Variants in SPEN observed in about 807,000 individuals in gnomAD.
The protein encoded by SPEN is spen family transcriptional repressor.
SPEN carries 18 observed loss-of-function variants against 269.9 expected under a neutral mutation model. That is an observed-to-expected ratio of 0.07 (90% CI 0.05 to 0.10). The LOEUF is 0.10. SPEN is among the 10% of genes least tolerant of loss of function. SPEN has a pLI of 1.00. For synonymous variants in SPEN, 1,726 were observed against 1,765.7 expected (o/e 0.98, Z 0.56); for missense variants, 3,822 against 4,631.2 (o/e 0.83, Z 5.07).
In SPEN at chr1:15,937,815, T is replaced by C. The variant is rs1275444021; in HGVS notation, c.10513T>C (p.Tyr3505His). 1 of 1,613,970 alleles carries C rather than the reference T, an allele frequency of 6.2e-7. No individual in the cohort carries two copies. The highest frequency in any genetic ancestry group is 8.5e-7 in the Non-Finnish European group (1 of 1,179,988). Reference sequence around the variant, plus strand: ...CTGTTTGTTTCCCTGTGAGCAGAAGTACCCCATCGTGTGGCAGGGCCTGCT... The same window carrying C: ...CTGTTTGTTTCCCTGTGAGCAGAAGCACCCCATCGTGTGGCAGGGCCTGCT... ...PVDMVQLLKK[Y>H]PIVWQGLLAL... is the part of the protein sequence containing the mutation. Residue 3505 changes from tyrosine to histidine, a missense_variant, in exon 13 of 15, where the codon TAC becomes CAC. Tyr to His is a moderately conservative substitution (Grantham distance 83). Around this residue, in one of 16 missense-constraint regions of SPEN, gnomAD observed 103 missense variants for 215.8 expected, o/e 0.48. Coordinates refer to ENST00000375759, the MANE Select transcript of SPEN (RefSeq NM_015001.3). The surrounding 1 kb of genome is among the most constrained non-coding windows in gnomAD (Gnocchi z 5.7).
At position 15,929,202 on chromosome 1, in the gene SPEN, T is replaced by A. The variant is rs1285706200; in HGVS notation, c.2962T>A (p.Phe988Ile). ...GAAGCTGGAAGCCAGGAAAAGGCGCTTTGCAGATTCCAATTTAAAAGCAGA... is the reference window on the plus strand; with the variant it reads ...GAAGCTGGAAGCCAGGAAAAGGCGCATTGCAGATTCCAATTTAAAAGCAGA... Reference protein sequence around the residue: ...LEKLEARKRRFADSNLKAEKQ... With the variant: ...LEKLEARKRRIADSNLKAEKQ... Residue 988 changes from phenylalanine to isoleucine, a missense_variant, in exon 11 of 15, where the codon TTT becomes ATT. Physicochemically the swap from Phe to Ile is conservative, Grantham distance 21 (BLOSUM62 0). This residue lies in a region of SPEN where 572 missense variants were observed against 582.6 expected (regional missense o/e 0.98). Coordinates refer to ENST00000375759, the MANE Select transcript of SPEN (RefSeq NM_015001.3). This position sits in a 1 kb window ranked among gnomAD's most constrained non-coding sequence, Gnocchi z 5.8. 6.2e-7 allele frequency: 1 copy of A among 1,613,992 alleles called. No homozygotes were observed.
At chr1:15,903,096 A>G (rs2148725029) in intron 3 of SPEN, among the ~76,000 whole-genome samples, 1 of 152,338 alleles carries the variant, frequency 6.6e-6, no homozygotes, top group African/African-American at 2.4e-5. Context: ...TATAAATAGC[A>G]TACTCAGTGC....
chr1:15,882,111 G>C (rs2070691612), intron 3 of SPEN, among the ~76,000 whole-genome samples: 1 of 152,132 alleles, frequency 6.6e-6, no homozygotes, highest in Admixed American at 6.6e-5. Context: ...CACATCTATT[G>C]TTTCTGCAAA....
intron 1 of SPEN, among the ~76,000 whole-genome samples, chr1:15,856,009 T>C (rs1277275976): frequency 1.3e-5 from 2 of 148,496 alleles, no homozygotes; most frequent in Non-Finnish European, 3.0e-5. Flanking sequence ...TTTTTTTTTT[T>C]TGAGACGGAG....
At chr1:15,925,405 C>T (rs10927873) in intron 10 of SPEN, among the ~76,000 whole-genome samples, 9,455 of 152,158 alleles carry the variant, frequency 0.062, 349 homozygotes, top group South Asian at 0.15. Flanking sequence ...GGTCCAAGTG[C>T]CAGTTGTGTT....
At position 15,933,355 on chromosome 1, in the gene SPEN, G is replaced by C; in HGVS notation, c.7115G>C (p.Gly2372Ala). Reference sequence around the variant, plus strand: ...GGTGAGAGTCCTGCTGCAAATGAGGGGACAACAGTACAGCACCCCGAAGCC... The same window carrying C: ...GGTGAGAGTCCTGCTGCAAATGAGGCGACAACAGTACAGCACCCCGAAGCC... ...AQGESPAANEGTTVQHPEAPQ... is the reference protein window; with the variant it reads ...AQGESPAANEATTVQHPEAPQ... The change falls in exon 11 of 15, where the codon GGG becomes GCG. Residue 2372 changes from glycine to alanine, a missense_variant. Gly to Ala is a moderately conservative substitution (Grantham distance 60). This residue lies in a region of SPEN where 727 missense variants were observed against 737.9 expected (regional missense o/e 0.99). Coordinates refer to ENST00000375759, the MANE Select transcript of SPEN (RefSeq NM_015001.3). This position sits in a 1 kb window ranked among gnomAD's most constrained non-coding sequence, Gnocchi z 5.7. 1 of 1,614,046 alleles carries C rather than the reference G, an allele frequency of 6.2e-7. No individual in the cohort carries two copies. Among genetic ancestry groups the C allele is most frequent in the Non-Finnish European group, 8.5e-7 (1 of 1,180,016 alleles).
chr1:15,906,272 T>C (rs954487528), intron 3 of SPEN, among the ~76,000 whole-genome samples: 1 of 152,118 alleles, frequency 6.6e-6, no homozygotes, highest in African/African-American at 2.4e-5. Flanking sequence ...TTTCTTCTTA[T>C]AGATGGGAAA....
At chr1:15,876,725 A>G (rs2148712291) in intron 3 of SPEN, 47 bp downstream of exon 3, 1 of 1,345,166 alleles carries the variant, frequency 7.4e-7, no homozygotes, top group East Asian at 2.3e-5. Context: ...GCTTTAAACA[A>G]ATTCTCAACA....
chr1:15,851,191 G>A (rs2070332056), intron 1 of SPEN, among the ~76,000 whole-genome samples: 1 of 152,004 alleles, frequency 6.6e-6, no homozygotes, highest in Non-Finnish European at 1.5e-5. Context: ...TAGATTGAGG[G>A]GTGGATGGCG....
chr1:15,877,917 G>A (rs898806515), intron 3 of SPEN, among the ~76,000 whole-genome samples: 16 of 151,304 alleles, frequency 1.1e-4, no homozygotes, highest in African/African-American at 2.4e-4. Flanking sequence ...GCCAATTTTT[G>A]TATTTTTAGT....
intron 1 of SPEN, among the ~76,000 whole-genome samples, chr1:15,860,172 A>G (rs978093640): frequency 1.3e-5 from 2 of 151,830 alleles, no homozygotes; most frequent in African/African-American, 4.8e-5. Context: ...CGGCCTCCCA[A>G]AGTGCTGGGA....
At chr1:15,869,266 A>G (rs1306658420) in intron 1 of SPEN, among the ~76,000 whole-genome samples, 3 of 152,104 alleles carry the variant, frequency 2.0e-5, no homozygotes, top group Non-Finnish European at 4.4e-5. Context: ...CATGTTGGCC[A>G]GGATGGTCTC....
chr1:15,919,117 T>C (rs908816051), intron 7 of SPEN, 66 bp downstream of exon 7: 20 of 1,422,234 alleles, frequency 1.4e-5, no homozygotes, highest in Non-Finnish European at 1.8e-5. Context: ...CTTGAAGGGT[T>C]TTTTTTTTGC....
Position 15,932,356 on chromosome 1 carries a change from G to A in SPEN, c.6116G>A (p.Ser2039Asn). Reference protein sequence around the residue: ...EPKAAEEEAGSEQKRDRKDAG... With the variant: ...EPKAAEEEAGNEQKRDRKDAG... ...AAGGCTGCTGAGGAGGAGGCAGGGA[G>A]TGAACAGAAACGTGACAGAAAAGAT... is the stretch of plus-strand genomic sequence containing the variant. The change falls in exon 11 of 15, where the codon AGT becomes AAT. Residue 2039 changes from serine (S) to asparagine (N), a missense_variant. Physicochemically the swap from Ser to Asn is conservative, Grantham distance 46 (BLOSUM62 1). This residue lies in a region of SPEN where 727 missense variants were observed against 737.9 expected (regional missense o/e 0.99). Transcript: ENST00000375759. The surrounding 1 kb of genome is among the most constrained non-coding windows in gnomAD (Gnocchi z 4.2). The A allele has an allele frequency of 6.2e-7, 1 of 1,614,124 alleles. No individual in the cohort carries two copies. The highest frequency in any genetic ancestry group is 8.5e-7 in the Non-Finnish European group (1 of 1,180,030).
At chr1:15,876,842 C>A (rs1271012048) in intron 3 of SPEN, 164 bp downstream of exon 3, 2 of 631,292 alleles carry the variant, frequency 3.2e-6, no homozygotes, top group Non-Finnish European at 2.8e-6. Context: ...ATTAACTGTT[C>A]TAAGTACTCG....
chr1:15,899,181 G>GT (rs999102813), intron 3 of SPEN, among the ~76,000 whole-genome samples: 12 of 151,962 alleles, frequency 7.9e-5, no homozygotes, highest in Non-Finnish European at 1.3e-4. Context: ...TTGTTTGCTT[G>GT]TTTTTTTGAG....
Position 15,848,146 on chromosome 1 carries a change from A to G in SPEN, c.79A>G (p.Lys27Glu). Residue 27 changes from lysine (K) to glutamate (E), a missense_variant, in exon 1 of 15, where the codon AAA becomes GAA. Lys to Glu is a moderately conservative substitution (Grantham distance 56). This residue lies in a region of SPEN where 51 missense variants were observed against 56.1 expected (regional missense o/e 0.91). Coordinates refer to ENST00000375759, the MANE Select transcript of SPEN (RefSeq NM_015001.3). This position sits in a 1 kb window ranked among gnomAD's most constrained non-coding sequence, Gnocchi z 5.1. ...VREEKIIEHFKRYGRVESVKI... is the reference protein window; with the variant it reads ...VREEKIIEHFERYGRVESVKI... ...GGAAGAGAAGATCATCGAGCATTTC[A>G]AACGGTGAGTGACACGAGGCCCGCG... 6.7e-7 allele frequency: 1 copy of G among 1,486,378 alleles called. No homozygotes were observed. The highest frequency in any genetic ancestry group is 9.0e-7 in the Non-Finnish European group (1 of 1,108,778). 92.1% of individuals were successfully genotyped at this position (1,486,378 alleles called of 1,614,324 possible). A position where few individuals can be genotyped will look rare whatever the true frequency, so the allele number is the denominator to read the frequency against.
Position 15,848,241 on chromosome 1 carries a change from G to T in SPEN, c.83+91G>T. ...CCGGCCCCTCCCGGAGCGCGGAGCTGGTGAGGAGGACTCCGGCCCGGACCC... is the reference window on the plus strand; with the variant it reads ...CCGGCCCCTCCCGGAGCGCGGAGCTTGTGAGGAGGACTCCGGCCCGGACCC... On this transcript the variant is annotated intron_variant, in intron 1 of 14. Coordinates refer to ENST00000375759, the MANE Select transcript of SPEN (RefSeq NM_015001.3). The surrounding 1 kb of genome is among the most constrained non-coding windows in gnomAD (Gnocchi z 5.1). 1 of 930,170 alleles carries T rather than the reference G, an allele frequency of 1.1e-6. No individual in the cohort carries two copies. The highest frequency in any genetic ancestry group is 1.5e-6 in the Non-Finnish European group (1 of 663,860). The allele number at this position is 930,170 out of a possible 1,614,324, so 57.6% of individuals were successfully genotyped here.
Position 15,847,990 on chromosome 1 carries a change from C to T in SPEN, c.-78C>T. On this transcript the variant is annotated 5_prime_UTR_variant, in exon 1 of 15. Transcript: ENST00000375759. ...CCGCCGCCGCCGCCGCCCCGGCACC[C>T]GCCTCCCGGCGCTGACGGTCTCGTA... The T allele has an allele frequency of 2.0e-6, 2 of 990,146 alleles. No homozygotes were observed. Among genetic ancestry groups the T allele is most frequent in the African/African-American group, 1.7e-5 (1 of 58,258 alleles). The allele number at this position is 990,146 out of a possible 1,614,324, so 61.3% of individuals were successfully genotyped here.
Sources: gnomAD v4.1 joint callset for allele counts (sites outside exome capture counted in the v4.1 genomes callset) on GRCh38, gnomAD v4.1.1 for gene constraint, gnomAD v4.1.1 regional missense constraint, Gnocchi (gnomAD v3.1) non-coding constraint, MANE v1.5 for transcripts, NCBI Gene and HGNC (gene_info 2026-07-23, HGNC 2026-07-21) for gene names.